Variants in CYTH1 observed in about 807,000 individuals in gnomAD.
CYTH1 encodes the protein cytohesin-1.
CYTH1 carries 18 observed loss-of-function variants against 61.8 expected under a neutral mutation model. The observed-to-expected ratio is 0.29, with a 90% CI of 0.20 to 0.43. The LOEUF is 0.43. Ranked by LOEUF, CYTH1 falls within the 20% of genes least tolerant of loss-of-function variation. CYTH1 has a pLI of 1.00. For missense variants in CYTH1, 336 were observed against 510.5 expected (o/e 0.66, Z 3.29); for synonymous variants, 174 against 184.3 (o/e 0.94, Z 0.45).
At chr17:78,781,710 C>T (rs1487774771) in intron 1 of CYTH1, among the ~76,000 whole-genome samples, 3 of 152,122 alleles carry the variant, frequency 2.0e-5, no homozygotes, top group Non-Finnish European at 4.4e-5. Flanking sequence ...GCGGGGAACG[C>T]GGGCCCGGCC....
At chr17:78,712,490 T>C (rs1284472393) in intron 1 of CYTH1, among the ~76,000 whole-genome samples, 1 of 151,526 alleles carries the variant, frequency 6.6e-6, no homozygotes, top group Non-Finnish European at 1.5e-5. Flanking sequence ...CCGTCTCTAC[T>C]AAAAATACAA....
chr17:78,752,301 A>T (rs2093383376), intron 1 of CYTH1, among the ~76,000 whole-genome samples: 1 of 152,200 alleles, frequency 6.6e-6, no homozygotes, highest in Non-Finnish European at 1.5e-5. Flanking sequence ...GAGTTTTTTA[A>T]TAAGCATTTT....
intron 1 of CYTH1, among the ~76,000 whole-genome samples, chr17:78,718,613 G>C (rs765548916): frequency 9.9e-5 from 15 of 152,186 alleles, no homozygotes; most frequent in Non-Finnish European, 1.8e-4. Context: ...TACCCTATGG[G>C]TGTAAGTCAC....
At chr17:78,745,348 T>C (rs953459946) in intron 1 of CYTH1, among the ~76,000 whole-genome samples, 6 of 152,132 alleles carry the variant, frequency 3.9e-5, no homozygotes, top group African/African-American at 1.4e-4. Context: ...TTCATGATGA[T>C]AAGGTAAACA....
At position 78,698,483 on chromosome 17, in the gene CYTH1, G is replaced by C. The variant is rs374456103; in HGVS notation, c.700-103C>G. ...ACAAGCATTCATGTGCCTATAGTAA[G>C]CCAAGCCTGCTAGATGCTGAGACTA... On this transcript the variant is annotated intron_variant, in intron 8 of 13. Coordinates refer to ENST00000446868, the MANE Select transcript of CYTH1 (RefSeq NM_004762.6). 1.4e-5 allele frequency: 13 copies of C among 918,030 alleles called. No individual in the cohort carries two copies. In the African/African-American group the frequency reaches 2.0e-4, roughly 14 times the overall value. 56.9% of individuals were successfully genotyped at this position (918,030 alleles called of 1,614,324 possible). A position where few individuals can be genotyped will look rare whatever the true frequency, so the allele number is the denominator to read the frequency against.
At chr17:78,778,638 A>C (rs2093503310) in intron 1 of CYTH1, among the ~76,000 whole-genome samples, 7 of 40,006 alleles carry the variant, frequency 1.7e-4, no homozygotes, top group Admixed American at 1.7e-3. Flanking sequence ...ACTCCATCTC[A>C]AAAAAAAAAA....
Position 78,709,643 on chromosome 17 carries a change from C to T in CYTH1, c.105+7G>A, listed in dbSNP as rs1196474485. On this transcript the variant is annotated splice_region_variant and intron_variant, in intron 2 of 13. Coordinates refer to ENST00000446868, the MANE Select transcript of CYTH1 (RefSeq NM_004762.6). ...ACGTTGGTGAAACCACCATGCCACT[C>T]TCCTACCTGAATGTCAGCCAGCAGC... The T allele has an allele frequency of 3.1e-6, 5 of 1,614,240 alleles. No individual in the cohort carries two copies. In the South Asian group the frequency reaches 5.5e-5, roughly 18 times the overall value.
intron 1 of CYTH1, among the ~76,000 whole-genome samples, chr17:78,778,458 T>C (rs570112831): frequency 4.6e-5 from 7 of 150,968 alleles, no homozygotes; most frequent in Non-Finnish European, 7.4e-5. Context: ...GCCAATATGG[T>C]GAAACCCCAT....
At chr17:78,781,505 G>A (rs71385989) in intron 1 of CYTH1, among the ~76,000 whole-genome samples, 8,852 of 152,214 alleles carry the variant, frequency 0.058, 492 homozygotes, top group South Asian at 0.15. Context: ...CGTCCCCACC[G>A]CGGTGCCCCT....
intron 1 of CYTH1, among the ~76,000 whole-genome samples, chr17:78,729,164 G>T (rs1488935605): frequency 2.0e-5 from 3 of 152,108 alleles, no homozygotes. Flanking sequence ...CTGGAGTGCA[G>T]TGGTGTGATC....
intron 1 of CYTH1, among the ~76,000 whole-genome samples, chr17:78,774,407 A>G (rs2093483256): frequency 6.6e-6 from 1 of 152,242 alleles, no homozygotes. Context: ...ATCATAGAAA[A>G]ACAAAGAAAA....
chr17:78,686,710 G>A (rs961138501), intron 11 of CYTH1, among the ~76,000 whole-genome samples: 1 of 152,130 alleles, frequency 6.6e-6, no homozygotes, highest in Non-Finnish European at 1.5e-5. Flanking sequence ...ATTTTTCCAC[G>A]GACAAAGGCA....
chr17:78,700,230 G>T lies in CYTH1; in HGVS notation c.550+101C>A. ...AACTATCATTGAGTAAACGTTCCTA[G>T]GCATGAATCTCAGCCCTTTTGTTTT... On this transcript the variant is annotated intron_variant, in intron 7 of 13. Coordinates refer to ENST00000446868, the MANE Select transcript of CYTH1 (RefSeq NM_004762.6). This position sits in a 1 kb window ranked among gnomAD's most constrained non-coding sequence, Gnocchi z 5.1. The T allele has an allele frequency of 1.0e-6, 1 of 993,546 alleles. No individual in the cohort carries two copies. Among genetic ancestry groups the T allele is most frequent in the Non-Finnish European group, 1.5e-6 (1 of 689,478 alleles). The allele number at this position is 993,546 out of a possible 1,614,324, so 61.5% of individuals were successfully genotyped here. A position where few individuals can be genotyped will look rare whatever the true frequency, so the allele number is the denominator to read the frequency against.
At chr17:78,739,071 G>A (rs141873389) in intron 1 of CYTH1, among the ~76,000 whole-genome samples, 19 of 152,308 alleles carry the variant, frequency 1.2e-4, no homozygotes, top group Middle Eastern at 3.4e-3. Context: ...TTATCTTTTC[G>A]TAAGTTTGAG....
chr17:78,709,485 T>C (rs1448439478), intron 2 of CYTH1, 165 bp downstream of exon 2: 7 of 643,286 alleles, frequency 1.1e-5, no homozygotes, highest in Non-Finnish European at 1.9e-5. Context: ...TCCTCAGCTG[T>C]AGAGGAAAGG....
rs2092683433 is a variant in CYTH1, at chr17:78,675,062, G to A, written c.*1029C>T. The A allele has an allele frequency of 1.3e-5, 2 of 152,264 alleles. No individual in the cohort carries two copies. The highest frequency in any genetic ancestry group is 4.1e-4 in the South Asian group (2 of 4,836). 9.4% of individuals were successfully genotyped at this position (152,264 alleles called of 1,614,324 possible). A position where few individuals can be genotyped will look rare whatever the true frequency, so the allele number is the denominator to read the frequency against. ...AAAAGCTGAAGCCCTACGGGGATCG[G>A]GGAAGTCCTACTCCTTCCTCTAGAA... On this transcript the variant is annotated 3_prime_UTR_variant, in exon 14 of 14. Coordinates refer to ENST00000446868, the MANE Select transcript of CYTH1 (RefSeq NM_004762.6).
rs1257192316 is a variant in CYTH1, at chr17:78,676,060, C to T, written c.*31G>A. Reference sequence around the variant, plus strand: ...CGGGAGAAGAGCAGGAGCTCCAAGGCCCCCGCAGACCAACGCCCTTGGCTG... The same window carrying T: ...CGGGAGAAGAGCAGGAGCTCCAAGGTCCCCGCAGACCAACGCCCTTGGCTG... On this transcript the variant is annotated 3_prime_UTR_variant, in exon 14 of 14. Transcript: ENST00000446868. 6 of 1,586,520 alleles carry T rather than the reference C, an allele frequency of 3.8e-6. No individual in the cohort carries two copies. Among genetic ancestry groups the T allele is most frequent in the Non-Finnish European group, 5.1e-6 (6 of 1,165,980 alleles).
intron 3 of CYTH1, among the ~76,000 whole-genome samples, chr17:78,705,830 A>G (rs767583210): frequency 2.6e-5 from 4 of 152,134 alleles, no homozygotes; most frequent in Non-Finnish European, 5.9e-5. Context: ...GTCTTCCCAA[A>G]TTCACTGGCT....
intron 11 of CYTH1, among the ~76,000 whole-genome samples, chr17:78,681,847 A>AC (rs35908960): frequency 0.46 from 68,964 of 150,468 alleles, 16,355 homozygotes; most frequent in Non-Finnish European, 0.51. Context: ...CAAAAAAAAA[A>AC]AAAAAAAACC....
Sources: gnomAD v4.1 joint callset for allele counts (sites outside exome capture counted in the v4.1 genomes callset) on GRCh38, gnomAD v4.1.1 for gene constraint, Gnocchi (gnomAD v3.1) non-coding constraint, MANE v1.5 for transcripts, NCBI Gene and HGNC (gene_info 2026-07-23, HGNC 2026-07-21) for gene names.